Variants in RASSF3 observed in about 807,000 individuals in gnomAD.
RASSF3 encodes the protein Ras association domain family member 3.
RASSF3 carries 19 observed loss-of-function variants against 19.9 expected under a neutral mutation model. The ratio of observed to expected loss-of-function variants is 0.96; its 90% CI spans 0.67 to 1.40. The LOEUF is 1.40. Among genes scored for constraint, RASSF3 ranks in the 40% most tolerant of loss-of-function variants. The probability of loss-of-function intolerance (pLI) is 0.00; values close to 1 mark genes in which losing one functional copy is unlikely to be tolerated. For missense variants in RASSF3, 306 were observed against 289.8 expected (o/e 1.06, Z -0.41); for synonymous variants, 110 against 104.2 (o/e 1.06, Z -0.34).
At chr12:64,552,590 T>C (rs941203882) in intron 2 of RASSF3, among the ~76,000 whole-genome samples, 1 of 152,180 alleles carries the variant, frequency 6.6e-6, no homozygotes, top group Non-Finnish European at 1.5e-5. Context: ...TGTGTTCTCA[T>C]TGTTCAGCTC....
At chr12:64,682,480 T>C (rs1181539635) in intron 1 of RASSF3, among the ~76,000 whole-genome samples, 1 of 149,068 alleles carries the variant, frequency 6.7e-6, no homozygotes, top group Non-Finnish European at 1.5e-5. Context: ...GGCAGGAGAA[T>C]GGCGTGAACC....
chr12:64,590,394 A>T (rs1036889809), intron 2 of RASSF3, among the ~76,000 whole-genome samples: 1 of 152,186 alleles, frequency 6.6e-6, no homozygotes, highest in Non-Finnish European at 1.5e-5. Context: ...GTGTTCTACC[A>T]TGTTTACTTT....
At chr12:64,516,892 C>G (rs553660104) in intron 1 of RASSF3, among the ~76,000 whole-genome samples, 12 of 149,336 alleles carry the variant, frequency 8.0e-5, no homozygotes, top group Non-Finnish European at 1.5e-4. Flanking sequence ...CCAGCTACTC[C>G]GCAGGCGGAG....
intron 2 of RASSF3, among the ~76,000 whole-genome samples, chr12:64,557,873 C>T (rs1869279615): frequency 6.6e-6 from 1 of 152,120 alleles, no homozygotes; most frequent in East Asian, 1.9e-4. Context: ...TCCACTCCTG[C>T]ACCTCCTGTA....
At chr12:64,599,368 T>C (rs1207292085) in intron 2 of RASSF3, among the ~76,000 whole-genome samples, 9 of 152,156 alleles carry the variant, frequency 5.9e-5, no homozygotes, top group Non-Finnish European at 1.0e-4. Flanking sequence ...CACAAATTAA[T>C]TGCAAGGACT....
chr12:64,520,520 G>A (rs1211653921), intron 1 of RASSF3, among the ~76,000 whole-genome samples: 1 of 146,516 alleles, frequency 6.8e-6, no homozygotes, highest in Non-Finnish European at 1.5e-5. Flanking sequence ...GCGTGCATAT[G>A]TGTGTGTATA....
chr12:64,594,065 G>T (rs1869963308), intron 2 of RASSF3, among the ~76,000 whole-genome samples: 1 of 148,444 alleles, frequency 6.7e-6, no homozygotes. Flanking sequence ...GGGCGTGGTA[G>T]CTCACACCTG....
At chr12:64,691,127 A>G (rs570437705) in intron 3 of RASSF3, among the ~76,000 whole-genome samples, 6 of 151,348 alleles carry the variant, frequency 4.0e-5, no homozygotes, top group African/African-American at 7.3e-5. Context: ...CTCCCAAAGT[A>G]TTGGGATTAC....
At position 64,550,834 on chromosome 12, in the gene RASSF3, G is replaced by GAAA. The variant is rs761807385; in HGVS notation, c.294+9130_294+9132dup. On this transcript the variant is annotated intron_variant, in intron 2 of 5. Transcript: ENST00000637125. ...AGACTCCATCTCAAAAAAAAAAAAAGAAAGAAAGAAAGGAAAAAAAAAAGA... is the reference window on the plus strand; with the variant it reads ...AGACTCCATCTCAAAAAAAAAAAAAGAAAAAAGAAAGAAAGGAAAAAAAAAAGA... Among the ~76,000 whole-genome samples, 150 of 125,760 alleles carry GAAA rather than the reference G, an allele frequency of 1.2e-3. 4 individuals are homozygous for GAAA. The highest frequency in any genetic ancestry group is 4.4e-3 in the African/African-American group (147 of 33,076). The allele number at this position is 125,760 out of a possible 152,430, so 82.5% of individuals were successfully genotyped here.
At chr12:64,682,328 T>G (rs533611163) in intron 1 of RASSF3, among the ~76,000 whole-genome samples, 9 of 152,006 alleles carry the variant, frequency 5.9e-5, no homozygotes, top group African/African-American at 1.7e-4. Flanking sequence ...TCCCAGCACT[T>G]TGGGAGGCCG....
rs35376691 is a variant in RASSF3 at position 64,676,166 on chromosome 12, A to ATTT, written c.112-8600_112-8598dup. On this transcript the variant is annotated intron_variant, in intron 1 of 4. Coordinates refer to ENST00000542104, the MANE Select transcript of RASSF3 (RefSeq NM_178169.4). ...TCTGATTCTTTCCTTCAGGAGTAGA[A>ATTT]TTTTTTTTTTTTTTTTTTTTTTTGA... Among the ~76,000 whole-genome samples, 468 of 106,368 alleles carry ATTT rather than the reference A, an allele frequency of 4.4e-3. 5 individuals carry two copies. The highest frequency in any genetic ancestry group is 0.013 in the South Asian group (40 of 3,032). The allele number at this position is 106,368 out of a possible 152,430, so 69.8% of individuals were successfully genotyped here. A position where few individuals can be genotyped will look rare whatever the true frequency, so the allele number is the denominator to read the frequency against.
intron 1 of RASSF3, among the ~76,000 whole-genome samples, chr12:64,615,137 G>A (rs531980633): frequency 3.3e-5 from 5 of 152,334 alleles, no homozygotes. Context: ...AACCAAAAAT[G>A]TGGACAGTTG....
intron 2 of RASSF3, among the ~76,000 whole-genome samples, chr12:64,598,045 T>C (rs967807794): frequency 2.0e-5 from 3 of 151,944 alleles, no homozygotes; most frequent in Admixed American, 6.6e-5. Flanking sequence ...ACCTCCCGAG[T>C]AGCTGGGATT....
chr12:64,687,297 T>G lies in RASSF3; in HGVS notation c.220-919T>G, dbSNP rs191788969. Among the ~76,000 whole-genome samples the G allele has an allele frequency of 2.7e-3, 406 of 152,230 alleles. 2 individuals carry two copies. Among genetic ancestry groups the G allele is most frequent in the African/African-American group, 9.4e-3 (391 of 41,544 alleles). ...GATTACAGACATGAGCCACTGCGCC[T>G]GGCCCCAAATATACTGAATACAAAA... On this transcript the variant is annotated intron_variant, in intron 2 of 4. Coordinates refer to ENST00000542104, the MANE Select transcript of RASSF3 (RefSeq NM_178169.4).
intron 1 of RASSF3, among the ~76,000 whole-genome samples, chr12:64,509,970 G>A (rs183293310): frequency 1.3e-5 from 2 of 151,706 alleles, no homozygotes; most frequent in African/African-American, 2.4e-5. Flanking sequence ...ACCTGTAATC[G>A]CAGCTACTCA....
chr12:64,668,256 T>TTTCTTCTTCTTCTTCTTC (rs139462401), intron 1 of RASSF3, among the ~76,000 whole-genome samples: 113 of 148,908 alleles, frequency 7.6e-4, no homozygotes, highest in African/African-American at 1.6e-3. Context: ...TACCAATCCT[T>TTTCTTCTTCTTCTTCTTC]TTCTTCTTCT....
intron 2 of RASSF3, among the ~76,000 whole-genome samples, chr12:64,581,632 T>C (rs1046975825): frequency 2.0e-5 from 3 of 152,078 alleles, no homozygotes; most frequent in Admixed American, 6.5e-5. Flanking sequence ...GGTGGGAGGA[T>C]TGCTTGAGCC....
chr12:64,659,863 A>C (rs1872281304), intron 1 of RASSF3, among the ~76,000 whole-genome samples: 1 of 151,582 alleles, frequency 6.6e-6, no homozygotes. Flanking sequence ...CAGGAGAATC[A>C]CTCGAACCTG....
intron 1 of RASSF3, among the ~76,000 whole-genome samples, chr12:64,615,854 T>C (rs961661391): frequency 1.7e-4 from 26 of 152,090 alleles, no homozygotes; most frequent in Non-Finnish European, 5.9e-5. Flanking sequence ...TTTGTATTTT[T>C]AGTAGAGACG....
Sources: allele counts gnomAD v4.1 joint callset (sites outside exome capture counted in the v4.1 genomes callset), GRCh38; gene constraint gnomAD v4.1.1; transcripts MANE v1.5; gene names NCBI Gene and HGNC (gene_info 2026-07-23, HGNC 2026-07-21).